The following SEC16B variants were observed in gnomAD, a reference collection of about 807,000 sequenced individuals.
SEC16B encodes the protein protein transport protein Sec16B.
A neutral mutation model predicts 141.8 loss-of-function variants in SEC16B; 115 were observed. The ratio of observed to expected loss-of-function variants is 0.81; its 90% CI spans 0.70 to 0.95. SEC16B has a LOEUF of 0.95. Ranked by LOEUF, SEC16B falls within the 40% of genes least tolerant of loss-of-function variation. The probability of loss-of-function intolerance (pLI) is 0.00; values close to 1 mark genes in which losing one functional copy is unlikely to be tolerated. For synonymous variants in SEC16B, 493 were observed against 492.5 expected, an observed-to-expected ratio of 1.00 and a Z score of -0.01; for missense variants, 1,291 against 1,312.3, an observed-to-expected ratio of 0.98 and a Z score of 0.25.
Position 177,932,695 on chromosome 1 carries a change from T to C in SEC16B, c.2932+3A>G, listed in dbSNP as rs1309242393. 6.3e-7 allele frequency: 1 copy of C among 1,576,854 alleles called. No individual in the cohort carries two copies. Among genetic ancestry groups the C allele is most frequent in the East Asian group, 2.3e-5 (1 of 44,442 alleles). ...TGGCCCAGAGGACGTGAGGTGACGG[T>C]ACCTCTGCCCCTGGAGAAGGCACTA... On this transcript the variant is annotated splice_donor_region_variant and intron_variant, in intron 23 of 25. Transcript: ENST00000308284.
intron 24 of SEC16B, among the ~76,000 whole-genome samples, 185 bp from the exon 25 acceptor site, chr1:177,930,828 GA>G (rs1650362388): frequency 6.6e-6 from 1 of 151,870 alleles, no homozygotes; most frequent in Non-Finnish European, 1.5e-5. Flanking sequence ...ATAAACAAAT[GA>G]AAAAAATGTT....
At position 177,962,624 on chromosome 1, in the gene SEC16B, T is replaced by C. The variant is rs539147263; in HGVS notation, c.643-890A>G. Among the ~76,000 whole-genome samples, 93 of 151,886 alleles carry C rather than the reference T, an allele frequency of 6.1e-4. 1 individual carries two copies. Among genetic ancestry groups the C allele is most frequent in the Non-Finnish European group, 1.8e-4 (12 of 67,986 alleles). On this transcript the variant is annotated intron_variant, in intron 5 of 25. Coordinates refer to ENST00000308284, the MANE Select transcript of SEC16B (RefSeq NM_033127.4). The stretch of plus-strand genomic sequence containing the variant: ...AGCTGGGCATGGTGGTGCACAACTA[T>C]AGCCCCAGCTACTTGGGAGGCTGAG...
intron 15 of SEC16B, 67 bp downstream of exon 15, chr1:177,944,494 A>G: frequency 1.5e-6 from 2 of 1,309,708 alleles, no homozygotes; most frequent in Non-Finnish European, 2.2e-6. Flanking sequence ...CAAAAAGCAA[A>G]GCTGCAAATA....
upstream of SEC16B, among the ~76,000 whole-genome samples, chr1:177,972,816 A>G (rs1285061782): frequency 6.6e-6 from 1 of 152,154 alleles, no homozygotes; most frequent in Non-Finnish European, 1.5e-5. Flanking sequence ...CCAAGAAGTA[A>G]TTAGGGCATG....
intron 1 of SEC16B, among the ~76,000 whole-genome samples, chr1:177,975,661 T>C (rs1169474470): frequency 1.3e-5 from 2 of 152,224 alleles, no homozygotes; most frequent in African/African-American, 4.8e-5. Flanking sequence ...AATGATGAGA[T>C]AATGGCCACA....
chr1:177,948,255 T>C, intron 12 of SEC16B: 1 of 1,029,390 alleles, frequency 9.7e-7, no homozygotes, highest in Non-Finnish European at 1.3e-6. Context: ...GACCCCCAGA[T>C]AGCTAGAGAC....
chr1:177,951,915 G>A lies in SEC16B; in HGVS notation c.1544C>T (p.Thr515Met), dbSNP rs371294248. The A allele has an allele frequency of 1.7e-5, 28 of 1,600,190 alleles. No individual in the cohort carries two copies. The highest frequency in any genetic ancestry group is 6.8e-5 in the South Asian group (6 of 88,034). The change falls in exon 12 of 26, where the codon ACG (threonine) becomes ATG (methionine). Residue 515 changes from threonine (T) to methionine (M), a missense_variant and splice_region_variant. Thr to Met is a moderately conservative substitution (Grantham distance 81). Transcript: ENST00000308284. ...LMSGRIPQAATCCGEKQWGDW... is the reference protein window; with the variant it reads ...LMSGRIPQAAMCCGEKQWGDW... Reference sequence around the variant, plus strand: ...AAAGGAATCCTGTCATAGGGGTACCGTGGCTGCCTGTGGAATCCTCCCCGA... The same window carrying A: ...AAAGGAATCCTGTCATAGGGGTACCATGGCTGCCTGTGGAATCCTCCCCGA...
rs775746139 is a variant in SEC16B, at chr1:177,954,395, C to T, written c.1366-19G>A. On this transcript the variant is annotated intron_variant, in intron 10 of 25. Transcript: ENST00000308284. Reference sequence around the variant, plus strand: ...AGGCTTCCTGAAAACCAAAACATCACATTCAAGAGTGCCTTTCCCACCTTC... The same window carrying T: ...AGGCTTCCTGAAAACCAAAACATCATATTCAAGAGTGCCTTTCCCACCTTC... 43 of 1,551,962 alleles carry T rather than the reference C, an allele frequency of 2.8e-5. No homozygotes were observed. Among genetic ancestry groups the T allele is most frequent in the African/African-American group, 2.3e-4 (17 of 73,200 alleles).
chr1:177,960,712 C>G (rs1348196903), intron 7 of SEC16B, 79 bp downstream of exon 7: 1 of 1,456,854 alleles, frequency 6.9e-7, no homozygotes, highest in Non-Finnish European at 9.2e-7. Context: ...GGCTCAGGCA[C>G]AGGAAAGCAA....
intron 7 of SEC16B, 154 bp from the exon 8 acceptor site, chr1:177,960,557 A>C (rs1652976612): frequency 1.4e-6 from 1 of 705,666 alleles, no homozygotes; most frequent in South Asian, 1.9e-5. Flanking sequence ...TTTGTTGCTA[A>C]AGATGAGACA....
At position 177,936,588 on chromosome 1, in the gene SEC16B, C is replaced by T. The variant is rs367858243; in HGVS notation, c.2504-223G>A. On this transcript the variant is annotated intron_variant, in intron 19 of 25. Transcript: ENST00000308284. Reference sequence around the variant, plus strand: ...TCAACTCATCCTCTACTTCCAAAGCCACTCTTCAGGAATCTTGGAAATCAG... The same window carrying T: ...TCAACTCATCCTCTACTTCCAAAGCTACTCTTCAGGAATCTTGGAAATCAG... 2.4e-4 allele frequency among the ~76,000 whole-genome samples: 36 copies of T among 152,290 alleles called. 1 individual carries two copies. In the South Asian group the frequency reaches 7.0e-3, roughly 30 times the overall value.
intron 15 of SEC16B, among the ~76,000 whole-genome samples, chr1:177,943,209 C>T (rs775929274): frequency 2.0e-5 from 3 of 152,102 alleles, no homozygotes; most frequent in South Asian, 2.1e-4. Context: ...ACCAAAGAGC[C>T]GGTCGAGGAA....
At chr1:177,957,592 A>G (rs2101970976) in intron 10 of SEC16B, among the ~76,000 whole-genome samples, 1 of 152,258 alleles carries the variant, frequency 6.6e-6, no homozygotes, top group African/African-American at 2.4e-5. Context: ...CAGGCATGCA[A>G]TGTATAATAA....
At position 177,929,923 on chromosome 1, in the gene SEC16B, T is replaced by C. The variant is rs764052942; in HGVS notation, c.3118A>G (p.Thr1040Ala). The part of the protein sequence containing the change: ...YNPSQVPQLP[T>A]ATSLNRPNRL... ...TTTGGCCGATTCAGGCTAGTGGCCGTGGGCAGCTGGAAAAGAAGAACAAAT... is the reference window on the plus strand; with the variant it reads ...TTTGGCCGATTCAGGCTAGTGGCCGCGGGCAGCTGGAAAAGAAGAACAAAT... The change falls in exon 26 of 26, where the codon ACG becomes GCG. Residue 1040 changes from threonine (T) to alanine (A), a missense_variant. This residue lies in a region of SEC16B where 605 missense variants were observed against 614.1 expected (regional missense o/e 0.99). Transcript: ENST00000308284. 6.2e-7 allele frequency: 1 copy of C among 1,613,802 alleles called. No individual in the cohort carries two copies. The highest frequency in any genetic ancestry group is 1.1e-5 in the South Asian group (1 of 91,008).
In SEC16B at chr1:177,940,623, C is replaced by T. The variant is rs749291823; in HGVS notation, c.2114G>A (p.Arg705Gln). 1.4e-5 allele frequency: 23 copies of T among 1,613,394 alleles called. No individual in the cohort carries two copies. The highest frequency in any genetic ancestry group is 3.3e-5 in the Admixed American group (2 of 60,000). Residue 705 changes from arginine to glutamine, a missense_variant, in exon 17 of 26, where the codon CGG becomes CAG. Arg to Gln is a conservative substitution (Grantham distance 43, BLOSUM62 1). Coordinates refer to ENST00000308284, the MANE Select transcript of SEC16B (RefSeq NM_033127.4). ...AATCCCACTCACCTCCAGCTGCCTC[C>T]GAAGTTGCGCTAGCCAATCTGGCTC... ...DLEPDWLAQL[R>Q]RQLEQKVAGD...
chr1:177,936,014 GAGA>G (rs1471660003), intron 20 of SEC16B, among the ~76,000 whole-genome samples: 2 of 152,358 alleles, frequency 1.3e-5, no homozygotes, highest in Non-Finnish European at 1.5e-5. Context: ...GTGCAGCACT[GAGA>G]AGATGTCAGA....
chr1:177,957,564 A>G (rs879759922), intron 10 of SEC16B, among the ~76,000 whole-genome samples: 1 of 152,210 alleles, frequency 6.6e-6, no homozygotes, highest in African/African-American at 2.4e-5. Flanking sequence ...GGAGTAAAAA[A>G]TATGAGATAT....
At chr1:177,977,471 G>C (rs925199579) in intron 1 of SEC16B, among the ~76,000 whole-genome samples, 1 of 152,126 alleles carries the variant, frequency 6.6e-6, no homozygotes, top group African/African-American at 2.4e-5. Context: ...GTACCTAGGG[G>C]GCTAGTGACA....
intron 14 of SEC16B, chr1:177,945,894 G>C (rs1276184904): frequency 1.1e-5 from 2 of 179,324 alleles, no homozygotes; most frequent in Admixed American, 1.1e-4. Context: ...AGGGCCTCCT[G>C]CAGGAAAAGC....
Sources: allele counts gnomAD v4.1 joint callset (sites outside exome capture counted in the v4.1 genomes callset), GRCh38; gene constraint gnomAD v4.1.1; regional missense constraint gnomAD v4.1.1; transcripts MANE v1.5; gene names NCBI Gene and HGNC (gene_info 2026-07-23, HGNC 2026-07-21).